The following SEMA5A variants were observed in gnomAD, a reference collection of about 807,000 sequenced individuals.
SEMA5A encodes the protein semaphorin 5A, also known as semaphorin-5A.
SEMA5A carries 55 observed loss-of-function variants against 135.5 expected under a neutral mutation model. The ratio of observed to expected loss-of-function variants is 0.41; its 90% CI spans 0.33 to 0.51. SEMA5A has a LOEUF of 0.51. Among genes scored for constraint, SEMA5A ranks in the 20% least tolerant of loss-of-function variants. SEMA5A has a pLI of 0.37. For missense variants in SEMA5A, 1,290 were observed against 1,419.9 expected (o/e 0.91, Z 1.47); for synonymous variants, 580 against 546.5 (o/e 1.06, Z -0.85).
intron 13 of SEMA5A, among the ~76,000 whole-genome samples, chr5:9,125,220 C>T (rs1741040781): frequency 6.6e-6 from 1 of 152,150 alleles, no homozygotes; most frequent in Non-Finnish European, 1.5e-5. Context: ...ATTTTCTATC[C>T]AGTAAGGTGG....
At chr5:9,287,624 T>C (rs916761936) in intron 5 of SEMA5A, among the ~76,000 whole-genome samples, 4 of 152,218 alleles carry the variant, frequency 2.6e-5, no homozygotes, top group African/African-American at 4.8e-5. Flanking sequence ...TGGCAAACTA[T>C]AGTCAGCAGG....
chr5:9,364,242 C>G (rs1383642101), intron 3 of SEMA5A, among the ~76,000 whole-genome samples: 2 of 152,132 alleles, frequency 1.3e-5, no homozygotes, highest in East Asian at 1.9e-4. Flanking sequence ...TGAATTAAAT[C>G]AGAGAAGACA....
intron 16 of SEMA5A, among the ~76,000 whole-genome samples, chr5:9,083,168 T>C (rs532855250): frequency 2.6e-5 from 4 of 152,246 alleles, no homozygotes; most frequent in Non-Finnish European, 4.4e-5. Context: ...TTTCATTGTA[T>C]GCAAATATTT....
At chr5:9,178,135 C>T (rs771265375) in intron 11 of SEMA5A, among the ~76,000 whole-genome samples, 20 of 151,950 alleles carry the variant, frequency 1.3e-4, no homozygotes, top group Admixed American at 2.6e-4. Flanking sequence ...AAAAAACTAC[C>T]GAGAATCTCA....
chr5:9,419,075 T>G (rs1414466416), intron 2 of SEMA5A, among the ~76,000 whole-genome samples: 1 of 146,918 alleles, frequency 6.8e-6, no homozygotes, highest in African/African-American at 2.6e-5. Flanking sequence ...TGTCCTCGTA[T>G]TCATTGATTT....
intron 1 of SEMA5A, among the ~76,000 whole-genome samples, chr5:9,544,355 C>A (rs1738255945): frequency 6.6e-6 from 1 of 152,184 alleles, no homozygotes; most frequent in South Asian, 2.1e-4. Flanking sequence ...GTAACAGTCA[C>A]AAGGAAGGCA....
chr5:9,524,869 C>A (rs1442412528), intron 1 of SEMA5A, among the ~76,000 whole-genome samples: 1 of 152,138 alleles, frequency 6.6e-6, no homozygotes, highest in Non-Finnish European at 1.5e-5. Context: ...GCCTCACAGT[C>A]ATATACTAAC....
chr5:9,097,708 T>G (rs1448740957), intron 16 of SEMA5A, among the ~76,000 whole-genome samples: 1 of 152,188 alleles, frequency 6.6e-6, no homozygotes, highest in East Asian at 1.9e-4. Context: ...TCTCACTCAG[T>G]CATGGCCCAA....
intron 20 of SEMA5A, among the ~76,000 whole-genome samples, chr5:9,051,587 A>G (rs1736578792): frequency 6.6e-6 from 1 of 152,232 alleles, no homozygotes; most frequent in African/African-American, 2.4e-5. Flanking sequence ...CATATTTAAT[A>G]ATAACCAAAT....
intron 2 of SEMA5A, among the ~76,000 whole-genome samples, chr5:9,416,615 C>T (rs906219644): frequency 6.6e-6 from 1 of 152,184 alleles, no homozygotes; most frequent in Non-Finnish European, 1.5e-5. Flanking sequence ...AGTTCAAGAC[C>T]TGGACTTCAC....
chr5:9,241,290 C>G (rs374650784), intron 5 of SEMA5A, among the ~76,000 whole-genome samples: 3 of 151,978 alleles, frequency 2.0e-5, no homozygotes, highest in Non-Finnish European at 2.9e-5. Flanking sequence ...CTTTATTTAA[C>G]AAATATTCAT....
At position 9,214,290 on chromosome 5, in the gene SEMA5A, A is replaced by T. The variant is rs559142946; in HGVS notation, c.646+10384T>A. Among the ~76,000 whole-genome samples the T allele has an allele frequency of 2.1e-4, 32 of 152,238 alleles. No individual in the cohort carries two copies. The East Asian group carries it at 5.6e-3, about 27-fold the overall frequency. Reference sequence around the variant, plus strand: ...CAAGAAGAAACAGGCAGAACCCACAAAGGCTTCCAGAGCTCGGGCCAGGCC... The same window carrying T: ...CAAGAAGAAACAGGCAGAACCCACATAGGCTTCCAGAGCTCGGGCCAGGCC... On this transcript the variant is annotated intron_variant, in intron 8 of 22. Coordinates refer to ENST00000382496, the MANE Select transcript of SEMA5A (RefSeq NM_003966.3).
At chr5:9,501,311 G>A in intron 1 of SEMA5A, among the ~76,000 whole-genome samples, 1 of 152,192 alleles carries the variant, frequency 6.6e-6, no homozygotes, top group Admixed American at 6.5e-5. Context: ...AGAAGGCTGA[G>A]ATAAGAGAAA....
intron 21 of SEMA5A, among the ~76,000 whole-genome samples, chr5:9,046,515 T>C (rs542399450): frequency 6.9e-4 from 105 of 152,280 alleles, no homozygotes; most frequent in African/African-American, 2.5e-3. Flanking sequence ...GGGTCACTGT[T>C]CAGTGAGTGC....
intron 5 of SEMA5A, among the ~76,000 whole-genome samples, chr5:9,267,800 T>A (rs539886189): frequency 2.6e-5 from 4 of 152,078 alleles, no homozygotes; most frequent in Admixed American, 6.6e-5. Flanking sequence ...AGGAAAGAGA[T>A]GAGAAAAGAT....
chr5:9,507,701 C>A (rs1735969158), intron 1 of SEMA5A, among the ~76,000 whole-genome samples: 1 of 152,098 alleles, frequency 6.6e-6, no homozygotes, highest in Admixed American at 6.5e-5. Flanking sequence ...GGCTGCTTTT[C>A]TAGCATGAGG....
intron 8 of SEMA5A, among the ~76,000 whole-genome samples, chr5:9,212,778 G>A (rs569347638): frequency 2.0e-5 from 3 of 152,298 alleles, no homozygotes; most frequent in Admixed American, 6.5e-5. Context: ...CAGACACTGA[G>A]TAAGATGCTG....
intron 13 of SEMA5A, among the ~76,000 whole-genome samples, chr5:9,133,469 T>C (rs1357105050): frequency 2.6e-5 from 4 of 152,182 alleles, no homozygotes; most frequent in Admixed American, 6.5e-5. Flanking sequence ...TGTGATAAAA[T>C]ACATTGGGTG....
Position 9,484,584 on chromosome 5 carries a change from G to A in SEMA5A, c.-174-46732C>T, listed in dbSNP as rs74468070. Among the ~76,000 whole-genome samples, 545 of 152,314 alleles carry A rather than the reference G, an allele frequency of 3.6e-3. 2 individuals carry two copies. Among genetic ancestry groups the A allele is most frequent in the African/African-American group, 0.012 (497 of 41,560 alleles). ...AACTCTGTAGAGTTTATGGTAGCAC[G>A]ATTGAAGTGTTGCTAATCATTATAT... is the stretch of plus-strand genomic sequence containing the variant. On this transcript the variant is annotated intron_variant, in intron 1 of 22. Coordinates refer to ENST00000382496, the MANE Select transcript of SEMA5A (RefSeq NM_003966.3).
Sources: gnomAD v4.1 joint callset for allele counts (sites outside exome capture counted in the v4.1 genomes callset) on GRCh38, gnomAD v4.1.1 for gene constraint, MANE v1.5 for transcripts, NCBI Gene and HGNC (gene_info 2026-07-23, HGNC 2026-07-21) for gene names.